MICAL2: variants seen among roughly 807,000 people sequenced by gnomAD.
MICAL2 encodes [F-actin]-monooxygenase MICAL2.
In MICAL2, 77 loss-of-function variants were observed where a neutral mutation model predicts 127.3. The observed-to-expected ratio is 0.60, with a 90% CI of 0.50 to 0.73. The LOEUF (loss-of-function observed/expected upper bound fraction) is 0.73. Ranked by LOEUF, MICAL2 falls within the 30% of genes least tolerant of loss-of-function variation. The pLI is 0.00. For missense variants in MICAL2, 1,351 were observed against 1,434.4 expected, an observed-to-expected ratio of 0.94 and a Z score of 0.94; for synonymous variants, 570 against 551.1, an observed-to-expected ratio of 1.03 and a Z score of -0.48.
chr11:12,327,303 G>A (rs1251304480), intron 32 of MICAL2: 13 of 1,517,870 alleles, frequency 8.6e-6, no homozygotes, highest in African/African-American at 1.4e-5. Flanking sequence ...AGTGGGCATG[G>A]TCTGAGAATA....
At chr11:12,162,473 G>A in intron 3 of MICAL2, 54 bp downstream of exon 3, 1 of 1,596,378 alleles carries the variant, frequency 6.3e-7, no homozygotes, top group Non-Finnish European at 8.5e-7. Flanking sequence ...GTTGACATTT[G>A]GGAGGTTAGG....
chr11:12,312,518 C>A (rs1311397153), intron 29 of MICAL2, among the ~76,000 whole-genome samples: 1 of 151,992 alleles, frequency 6.6e-6, no homozygotes, highest in African/African-American at 2.4e-5. Context: ...TTAATTTTGT[C>A]AAGTCCAAGA....
At chr11:12,268,198 C>T (rs1863630246), downstream of MICAL2, among the ~76,000 whole-genome samples, 1 of 152,234 alleles carries the variant, frequency 6.6e-6, no homozygotes, top group Non-Finnish European at 1.5e-5. Flanking sequence ...TGTGTCCTGG[C>T]TGCCACTGCA....
chr11:12,129,979 C>T (rs1457388591), intron 1 of MICAL2, among the ~76,000 whole-genome samples: 1 of 152,210 alleles, frequency 6.6e-6, no homozygotes, highest in Non-Finnish European at 1.5e-5. Flanking sequence ...TCCCAAAGTG[C>T]TGGGATTACA....
chr11:12,191,849 TG>T (rs1345808367), intron 3 of MICAL2, among the ~76,000 whole-genome samples: 1 of 152,050 alleles, frequency 6.6e-6, no homozygotes, highest in Non-Finnish European at 1.5e-5. Flanking sequence ...GAGAGAGTAA[TG>T]GGTGGGGCTG....
chr11:12,345,585 C>T (rs1209931068), intron 32 of MICAL2, among the ~76,000 whole-genome samples: 1 of 152,134 alleles, frequency 6.6e-6, no homozygotes, highest in Non-Finnish European at 1.5e-5. Context: ...GTCTCCATAA[C>T]GTGCCAAATA....
At chr11:12,293,787 C>T (rs201953295), downstream of MICAL2, 5 of 1,612,710 alleles carry the variant, frequency 3.1e-6, no homozygotes, top group African/African-American at 2.7e-5. Flanking sequence ...CCAGCAGAGG[C>T]CCCTCTTGGG....
chr11:12,128,103 T>C (rs1034861653), intron 1 of MICAL2, among the ~76,000 whole-genome samples: 4 of 152,214 alleles, frequency 2.6e-5, no homozygotes, highest in African/African-American at 9.7e-5. Flanking sequence ...TTTCTTGTCC[T>C]GAAGCCAAGT....
At position 12,208,092 on chromosome 11, in the gene MICAL2, T is replaced by A; in HGVS notation, c.542T>A (p.Val181Glu). ...CTGGGAGTTGAAATCCATGTGAATG[T>A]GGAGTTCGTGAAGGTTCTAGAGCCT... ...LMLGVEIHVN[V>E]EFVKVLEPPE... is the part of the protein sequence containing the mutation. The change falls in exon 5 of 28, where the codon GTG (valine) becomes GAG (glutamate). Residue 181 changes from valine to glutamate, a missense_variant. Val to Glu is a moderately radical substitution (Grantham distance 121). Transcript: ENST00000683283. 1 of 1,614,206 alleles carries A rather than the reference T, an allele frequency of 6.2e-7. No individual in the cohort carries two copies. Among genetic ancestry groups the A allele is most frequent in the Non-Finnish European group, 8.5e-7 (1 of 1,180,010 alleles).
At chr11:12,326,714 A>G (rs532182671) in intron 31 of MICAL2, among the ~76,000 whole-genome samples, 1 of 152,340 alleles carries the variant, frequency 6.6e-6, no homozygotes, top group East Asian at 1.9e-4. Flanking sequence ...CTTGCTCCAG[A>G]CTGACTCCTT....
At chr11:12,197,351 G>A (rs1465191750) in intron 3 of MICAL2, 1 of 152,246 alleles carries the variant, frequency 6.6e-6, no homozygotes, top group Non-Finnish European at 1.5e-5. Flanking sequence ...CAGGGTGATT[G>A]TAAGAACGAT....
rs150154321 is a variant in MICAL2, at chr11:12,311,401, A to ATTTATTTTATTTTAT, written c.5213-8281_5213-8267dup. Among the ~76,000 whole-genome samples the ATTTATTTTATTTTAT allele has an allele frequency of 7.7e-3, 1,163 of 150,302 alleles. 13 individuals are homozygous for ATTTATTTTATTTTAT. Among genetic ancestry groups the ATTTATTTTATTTTAT allele is most frequent in the African/African-American group, 0.027 (1,112 of 40,756 alleles). ...TTTTGGTTGGTGTTGTTGGTTTCTT[A>ATTTATTTTATTTTAT]TTTATTTTATTTTATTTTATTTTAT... On this transcript the variant is annotated intron_variant, in intron 29 of 34. Transcript: ENST00000646065.
Position 12,175,146 on chromosome 11 carries a change from C to T in MICAL2, c.264+12727C>T, listed in dbSNP as rs545065216. Reference sequence around the variant, plus strand: ...TAAAAAAAAAAAATCATTTTAAGTGCCTGCTACATGCCAGGTGCTAGGGAC... The same window carrying T: ...TAAAAAAAAAAAATCATTTTAAGTGTCTGCTACATGCCAGGTGCTAGGGAC... On this transcript the variant is annotated intron_variant, in intron 3 of 27. Transcript: ENST00000683283. Among the ~76,000 whole-genome samples, 7 of 151,754 alleles carry T rather than the reference C, an allele frequency of 4.6e-5. No individual in the cohort carries two copies. The South Asian group carries it at 1.2e-3, about 27-fold the overall frequency.
At chr11:12,311,302 A>C (rs1160856046) in intron 29 of MICAL2, among the ~76,000 whole-genome samples, 3 of 152,038 alleles carry the variant, frequency 2.0e-5, no homozygotes, top group African/African-American at 4.8e-5. Context: ...ACTGTATTGA[A>C]TTTACTAATT....
chr11:12,163,277 G>A (rs775021606), intron 3 of MICAL2, among the ~76,000 whole-genome samples: 27 of 152,176 alleles, frequency 1.8e-4, no homozygotes, highest in Non-Finnish European at 3.2e-4. Context: ...CCTGGTGGCC[G>A]TTGGGGACTA....
intron 29 of MICAL2, among the ~76,000 whole-genome samples, chr11:12,308,462 C>T (rs552729532): frequency 1.3e-5 from 2 of 152,020 alleles, no homozygotes; most frequent in Non-Finnish European, 2.9e-5. Flanking sequence ...TTTTAGTTTT[C>T]AGTGTGTGGA....
intron 1 of MICAL2, among the ~76,000 whole-genome samples, chr11:12,120,884 C>T (rs1006652889): frequency 2.6e-5 from 4 of 152,140 alleles, no homozygotes; most frequent in African/African-American, 4.8e-5. Context: ...CCTCCGTTCA[C>T]GGGAGGTGCA....
chr11:12,325,946 T>C (rs1439535147), intron 31 of MICAL2, among the ~76,000 whole-genome samples: 1 of 152,214 alleles, frequency 6.6e-6, no homozygotes, highest in African/African-American at 2.4e-5. Context: ...TATAATTGTC[T>C]TTAAGGGAGA....
chr11:12,262,142 CA>C (rs1712378204), intron 26 of MICAL2: 3 of 1,184,222 alleles, frequency 2.5e-6, no homozygotes, highest in African/African-American at 3.1e-5. Flanking sequence ...CACCGACACC[CA>C]GGGGTGGACC....
Sources: allele counts gnomAD v4.1 joint callset (sites outside exome capture counted in the v4.1 genomes callset), GRCh38; gene constraint gnomAD v4.1.1; transcripts MANE v1.5; gene names NCBI Gene and HGNC (gene_info 2026-07-23, HGNC 2026-07-21).